Variants in ATP6V1H observed in about 807,000 individuals in gnomAD.
The protein encoded by ATP6V1H is V-type proton ATPase subunit H.
ATP6V1H carries 39 observed loss-of-function variants against 71.7 expected under a neutral mutation model. The observed-to-expected ratio is 0.54, with a 90% CI of 0.42 to 0.71. The LOEUF (loss-of-function observed/expected upper bound fraction) is 0.71. Among genes scored for constraint, ATP6V1H ranks in the 30% least tolerant of loss-of-function variants. The probability of loss-of-function intolerance (pLI) is 0.00; values close to 1 mark genes in which losing one functional copy is unlikely to be tolerated. For missense variants in ATP6V1H, 509 were observed against 594.9 expected, an observed-to-expected ratio of 0.86 and a Z score of 1.50; for synonymous variants, 192 against 199.3, an observed-to-expected ratio of 0.96 and a Z score of 0.31.
Position 53,735,541 on chromosome 8 carries a change from G to A in ATP6V1H, c.1391+8036C>T, listed in dbSNP as rs185711720. Among the ~76,000 whole-genome samples the A allele has an allele frequency of 2.3e-3, 347 of 152,128 alleles. 2 individuals carry two copies. The highest frequency in any genetic ancestry group is 8.1e-3 in the African/African-American group (336 of 41,498). On this transcript the variant is annotated intron_variant, in intron 13 of 13. Transcript: ENST00000359530. ...TGCCTATGCTCCTCCTCCAAGTCAG[G>A]TGCACCCCCACCAAACAAACTAGGT... is the stretch of plus-strand genomic sequence containing the variant.
At chr8:53,802,793 TA>T (rs1809955304) in intron 7 of ATP6V1H, among the ~76,000 whole-genome samples, 1 of 152,060 alleles carries the variant, frequency 6.6e-6, no homozygotes, top group African/African-American at 2.4e-5. Flanking sequence ...ACTCAATAAA[TA>T]AAAACTTTAT....
chr8:53,738,126 T>A (rs1482432256), intron 13 of ATP6V1H, among the ~76,000 whole-genome samples: 4 of 152,116 alleles, frequency 2.6e-5, no homozygotes, highest in Non-Finnish European at 5.9e-5. Context: ...AGATGTTTCA[T>A]CTCTACTAAA....
chr8:53,825,201 T>G (rs1288293499), intron 4 of ATP6V1H, among the ~76,000 whole-genome samples: 1 of 152,108 alleles, frequency 6.6e-6, no homozygotes, highest in Non-Finnish European at 1.5e-5. Flanking sequence ...CTTATAAATT[T>G]ATTATTAGTT....
chr8:53,782,222 AGTG>A, intron 9 of ATP6V1H, among the ~76,000 whole-genome samples: 1 of 151,972 alleles, frequency 6.6e-6, no homozygotes, highest in East Asian at 1.9e-4. Context: ...TTCACTGAGC[AGTG>A]GTTTGTAGTT....
rs554798616 is a variant in ATP6V1H, at chr8:53,803,349, A to T, written c.580-1453T>A. Among the ~76,000 whole-genome samples the T allele has an allele frequency of 1.9e-3, 284 of 152,184 alleles. 4 individuals are homozygous for T. Among genetic ancestry groups the T allele is most frequent in the African/African-American group, 6.5e-3 (270 of 41,470 alleles). Reference sequence around the variant, plus strand: ...GAGACTCTATCTCAAAAAAAAAATAAAAACAGAAGAAGAAGAAGAGAAAGG... The same window carrying T: ...GAGACTCTATCTCAAAAAAAAAATATAAACAGAAGAAGAAGAAGAGAAAGG... On this transcript the variant is annotated intron_variant, in intron 7 of 13. Coordinates refer to ENST00000359530, the MANE Select transcript of ATP6V1H (RefSeq NM_015941.4).
chr8:53,754,237 A>G, intron 12 of ATP6V1H, among the ~76,000 whole-genome samples: 1 of 152,192 alleles, frequency 6.6e-6, no homozygotes, highest in East Asian at 1.9e-4. Context: ...AAACAAAGAA[A>G]AAAGGAAGGC....
intron 7 of ATP6V1H, 56 bp downstream of exon 7, chr8:53,811,108 A>G (rs1585813432): frequency 2.0e-6 from 3 of 1,509,606 alleles, no homozygotes; most frequent in Middle Eastern, 1.8e-4. Context: ...TTAAGTGTAT[A>G]TGACTCAAAA....
Position 53,750,753 on chromosome 8 carries a change from C to T in ATP6V1H, c.1277+5802G>A, listed in dbSNP as rs189206386. Among the ~76,000 whole-genome samples the T allele has an allele frequency of 7.3e-4, 111 of 151,918 alleles. 1 individual carries two copies. The highest frequency in any genetic ancestry group is 3.6e-3 in the South Asian group (17 of 4,788). ...AACTTGTAAAAACAAAAAAGTCCAC[C>T]GAGAAGTTAATGACAAACATGTTCT... On this transcript the variant is annotated intron_variant, in intron 12 of 13. Coordinates refer to ENST00000359530, the MANE Select transcript of ATP6V1H (RefSeq NM_015941.4).
intron 7 of ATP6V1H, among the ~76,000 whole-genome samples, chr8:53,803,087 A>C (rs1293157216): frequency 6.6e-6 from 1 of 152,242 alleles, no homozygotes; most frequent in Non-Finnish European, 1.5e-5. Flanking sequence ...CTGTGATCCC[A>C]GCACTTTGGG....
chr8:53,743,228 A>AAT (rs1340587463), intron 13 of ATP6V1H, among the ~76,000 whole-genome samples: 3 of 152,186 alleles, frequency 2.0e-5, no homozygotes, highest in Non-Finnish European at 4.4e-5. Flanking sequence ...CCATATGCTG[A>AAT]ATAGGTAAGC....
intron 4 of ATP6V1H, among the ~76,000 whole-genome samples, chr8:53,828,035 G>C (rs1009508937): frequency 1.3e-5 from 2 of 152,140 alleles, no homozygotes; most frequent in African/African-American, 4.8e-5. Flanking sequence ...TTGATTCCAT[G>C]TCTTTGCTAA....
intron 13 of ATP6V1H, among the ~76,000 whole-genome samples, chr8:53,720,466 G>C (rs902427522): frequency 5.9e-5 from 9 of 152,220 alleles, no homozygotes; most frequent in Non-Finnish European, 5.9e-5. Flanking sequence ...TGACTATCTA[G>C]CTTCTATTCT....
intron 13 of ATP6V1H, among the ~76,000 whole-genome samples, chr8:53,740,579 C>T (rs1289729044): frequency 1.3e-5 from 2 of 152,140 alleles, no homozygotes; most frequent in Non-Finnish European, 2.9e-5. Context: ...AAAAACTCCA[C>T]TGTATTTTCA....
chr8:53,721,508 A>G (rs1330468729), intron 13 of ATP6V1H, among the ~76,000 whole-genome samples: 2 of 152,202 alleles, frequency 1.3e-5, no homozygotes. Context: ...TAGCTGCTTG[A>G]CATACATTTT....
chr8:53,773,799 G>C lies in ATP6V1H; in HGVS notation c.871-1632C>G, dbSNP rs146661472. Among the ~76,000 whole-genome samples the C allele has an allele frequency of 2.1e-3, 315 of 152,030 alleles. 2 individuals carry two copies. Among genetic ancestry groups the C allele is most frequent in the African/African-American group, 7.3e-3 (303 of 41,500 alleles). On this transcript the variant is annotated intron_variant, in intron 9 of 13. Transcript: ENST00000359530. ...ATGAAATAAAATGCTTTCAATACATGAAAAATTTCAAACAAAAAACTTATA... is the reference window on the plus strand; with the variant it reads ...ATGAAATAAAATGCTTTCAATACATCAAAAATTTCAAACAAAAAACTTATA...
At chr8:53,740,211 C>T (rs183354662) in intron 13 of ATP6V1H, among the ~76,000 whole-genome samples, 129 of 152,282 alleles carry the variant, frequency 8.5e-4, no homozygotes, top group Admixed American at 1.3e-3. Flanking sequence ...GACCCAGTTC[C>T]ATGATTTCAT....
chr8:53,817,415 A>G lies in ATP6V1H; in HGVS notation c.420+2T>C. On this transcript the variant is annotated splice_donor_variant, in intron 5 of 13. Coordinates refer to ENST00000359530, the MANE Select transcript of ATP6V1H (RefSeq NM_015941.4). LOFTEE classifies it high-confidence loss of function. ...AAAGAATCCAATCAATTCAAAATTT[A>G]CCATATGAACAGTGAAGGGATCCTG... The G allele has an allele frequency of 1.3e-6, 2 of 1,592,306 alleles. No homozygotes were observed. The highest frequency in any genetic ancestry group is 1.7e-6 in the Non-Finnish European group (2 of 1,163,996).
chr8:53,839,814 A>C (rs1248134371), intron 2 of ATP6V1H: 2 of 985,330 alleles, frequency 2.0e-6, no homozygotes, highest in African/African-American at 3.5e-5. Flanking sequence ...TGCTAACTTC[A>C]TATCAATCAT....
intron 7 of ATP6V1H, among the ~76,000 whole-genome samples, chr8:53,808,033 A>G (rs1810146919): frequency 6.6e-6 from 1 of 152,206 alleles, no homozygotes; most frequent in Non-Finnish European, 1.5e-5. Context: ...GGACCTGGCA[A>G]CTTAAGTCAC....
Sources: gnomAD v4.1 joint callset for allele counts (sites outside exome capture counted in the v4.1 genomes callset) on GRCh38, gnomAD v4.1.1 for gene constraint, MANE v1.5 for transcripts, NCBI Gene and HGNC (gene_info 2026-07-23, HGNC 2026-07-21) for gene names.